The following BIN2 variants were observed in gnomAD, a reference collection of about 807,000 sequenced individuals.
BIN2 encodes the protein breast cancer associated protein BRAP1.
Under a neutral mutation model 67.9 loss-of-function variants are expected in BIN2, and 43 were observed. That is an observed-to-expected ratio of 0.63 (90% CI 0.50 to 0.82). The LOEUF is 0.82. Among genes scored for constraint, BIN2 ranks in the 40% least tolerant of loss-of-function variants. The pLI is 0.00. For synonymous variants in BIN2, 244 were observed against 246.8 expected (o/e 0.99, Z 0.11); for missense variants, 581 against 671.6 (o/e 0.87, Z 1.49).
intron 11 of BIN2, among the ~76,000 whole-genome samples, chr12:51,286,732 A>C (rs1008765768): frequency 6.6e-6 from 1 of 152,240 alleles, no homozygotes; most frequent in Non-Finnish European, 1.5e-5. Context: ...TCTATCCTGC[A>C]CTTATTCACT....
chr12:51,317,174 C>G (rs889278757), intron 1 of BIN2, among the ~76,000 whole-genome samples: 2 of 152,114 alleles, frequency 1.3e-5, no homozygotes, highest in African/African-American at 2.4e-5. Context: ...CTGTGCCCGG[C>G]CTGTTTTATT....
intron 9 of BIN2, among the ~76,000 whole-genome samples, chr12:51,293,772 T>A (rs1383751217): frequency 6.6e-6 from 1 of 152,174 alleles, no homozygotes; most frequent in African/African-American, 2.4e-5. Context: ...GATTTAAAAC[T>A]GCAAAAAAAT....
At chr12:51,284,267 A>G (rs1945185714) in intron 12 of BIN2, among the ~76,000 whole-genome samples, 1 of 152,192 alleles carries the variant, frequency 6.6e-6, no homozygotes, top group Admixed American at 6.5e-5. Flanking sequence ...AGCTGCCTAC[A>G]GAATTCAGTA....
intron 9 of BIN2, among the ~76,000 whole-genome samples, chr12:51,294,813 G>C (rs1405429344): frequency 2.0e-5 from 3 of 152,108 alleles, no homozygotes; most frequent in African/African-American, 7.2e-5. Context: ...AAGTGAGTGG[G>C]GAAGGAACAT....
At chr12:51,308,113 C>T (rs1459216046) in intron 2 of BIN2, among the ~76,000 whole-genome samples, 4 of 152,038 alleles carry the variant, frequency 2.6e-5, no homozygotes, top group Admixed American at 2.6e-4. Flanking sequence ...CTATCTGTCC[C>T]CCCCTGGAAT....
intron 2 of BIN2, among the ~76,000 whole-genome samples, chr12:51,307,281 T>TC (rs1357033426): frequency 1.1e-5 from 1 of 91,064 alleles, no homozygotes. Context: ...AGACTCTGAC[T>TC]CAAAAAAAAA....
At chr12:51,302,153 T>G (rs755148637) in intron 4 of BIN2, 38 bp from the exon 5 acceptor site, 1 of 1,471,118 alleles carries the variant, frequency 6.8e-7, no homozygotes, top group South Asian at 1.1e-5. Context: ...AGGCTCCACT[T>G]CCCAACAACA....
chr12:51,299,324 T>A, intron 6 of BIN2, 36 bp from the exon 7 acceptor site: 7 of 1,579,000 alleles, frequency 4.4e-6, no homozygotes, highest in Non-Finnish European at 6.1e-6. Flanking sequence ...TCTCCCTCAA[T>A]TCTGAACCCA....
chr12:51,312,219 A>C (rs1946014466), intron 2 of BIN2, among the ~76,000 whole-genome samples: 1 of 152,250 alleles, frequency 6.6e-6, no homozygotes, highest in Non-Finnish European at 1.5e-5. Flanking sequence ...TTATCACAAA[A>C]GATCCTATGA....
At chr12:51,304,927 G>T (rs1945828406) in intron 2 of BIN2, among the ~76,000 whole-genome samples, 1 of 152,180 alleles carries the variant, frequency 6.6e-6, no homozygotes, top group Non-Finnish European at 1.5e-5. Context: ...TGAGGCAGGA[G>T]AATGGGCATG....
At chr12:51,301,821 G>A (rs1592267307) in intron 5 of BIN2, among the ~76,000 whole-genome samples, 199 bp downstream of exon 5, 5 of 152,176 alleles carry the variant, frequency 3.3e-5, no homozygotes, top group African/African-American at 1.2e-4. Context: ...TGAAATCTAA[G>A]TTTAAACATA....
intron 9 of BIN2, 130 bp from the exon 10 acceptor site, chr12:51,292,474 A>G: frequency 9.3e-7 from 1 of 1,073,646 alleles, no homozygotes; most frequent in Non-Finnish European, 1.3e-6. Flanking sequence ...TGCATAATTT[A>G]CAATAACACT....
chr12:51,303,598 A>G (rs1019553319), intron 2 of BIN2, among the ~76,000 whole-genome samples: 4 of 151,988 alleles, frequency 2.6e-5, no homozygotes, highest in African/African-American at 4.8e-5. Context: ...CTTCCCTTCC[A>G]TCAGTCACCT....
intron 1 of BIN2, chr12:51,322,514 C>G (rs1946311072): frequency 1.3e-5 from 2 of 151,922 alleles, no homozygotes; most frequent in Admixed American, 6.6e-5. Flanking sequence ...ACCTTGGCCT[C>G]CCAAAGTGCT....
At chr12:51,301,948 T>C (rs2137397555) in intron 5 of BIN2, 72 bp downstream of exon 5, 1 of 1,056,948 alleles carries the variant, frequency 9.5e-7, no homozygotes, top group African/African-American at 1.6e-5. Flanking sequence ...CTACTTATAA[T>C]GCTTAACCCA....
intron 11 of BIN2, 108 bp downstream of exon 11, chr12:51,288,000 A>G: frequency 1.3e-6 from 1 of 781,946 alleles, no homozygotes; most frequent in Non-Finnish European, 2.1e-6. Context: ...GCTTCATGTG[A>G]ATCAAGACTG....
rs1946058919 is a variant in BIN2 at position 51,313,876 on chromosome 12, C to T, written c.109G>A (p.Glu37Lys). 1 of 1,613,842 alleles carries T rather than the reference C, an allele frequency of 6.2e-7. No homozygotes were observed. Among genetic ancestry groups the T allele is most frequent in the African/African-American group, 1.3e-5 (1 of 74,878 alleles). The change falls in exon 2 of 13, where the codon GAA becomes AAA. Residue 37 changes from glutamate (E) to lysine (K), a missense_variant. Physicochemically the swap from Glu to Lys is moderately conservative, Grantham distance 56. Transcript: ENST00000615107. ...KVLQKLGKAV[E>K]TKDERFEQSA... The stretch of plus-strand genomic sequence containing the variant: ...TGTTCAAATCGTTCATCTTTGGTTT[C>T]TACAGCTTTCCCCAATTTCTGCAGC...
chr12:51,303,944 C>G (rs1945799407), intron 2 of BIN2, among the ~76,000 whole-genome samples: 1 of 152,164 alleles, frequency 6.6e-6, no homozygotes, highest in South Asian at 2.1e-4. Flanking sequence ...TTTAAACTAG[C>G]TCTGTTAAAA....
intron 12 of BIN2, among the ~76,000 whole-genome samples, chr12:51,283,294 T>C (rs1348132477): frequency 1.3e-5 from 2 of 149,488 alleles, no homozygotes; most frequent in East Asian, 2.0e-4. Flanking sequence ...GTTCTGCTTA[T>C]TTAAAAAAAA....
Sources: allele counts gnomAD v4.1 joint callset (sites outside exome capture counted in the v4.1 genomes callset), GRCh38; gene constraint gnomAD v4.1.1; transcripts MANE v1.5; gene names NCBI Gene and HGNC (gene_info 2026-07-23, HGNC 2026-07-21).